The following PCDHA4 variants were observed in gnomAD, a reference collection of about 807,000 sequenced individuals.
The protein encoded by PCDHA4 is protocadherin alpha-4.
In PCDHA4, 49 loss-of-function variants were observed where a neutral mutation model predicts 61.4. That is an observed-to-expected ratio of 0.80 (90% CI 0.63 to 1.01). The LOEUF (loss-of-function observed/expected upper bound fraction) is 1.01, where lower values mean the gene tolerates loss of function less well. Among genes scored for constraint, PCDHA4 ranks in the 50% least tolerant of loss-of-function variants. The pLI is 0.00. For missense variants in PCDHA4, 1,254 were observed against 1,235.8 expected (o/e 1.01, Z -0.22); for synonymous variants, 590 against 550.3 (o/e 1.07, Z -1.01).
chr5:140,830,566 T>C (rs1771135529), intron 1 of PCDHA4: 2 of 961,386 alleles, frequency 2.1e-6, no homozygotes, highest in South Asian at 6.5e-5. Context: ...TCTATATTTC[T>C]GTTTTTAATT....
chr5:140,883,622 G>A, intron 1 of PCDHA4: 4 of 1,614,004 alleles, frequency 2.5e-6, no homozygotes, highest in Non-Finnish European at 3.4e-6. Context: ...GAACGACAAC[G>A]CGCCGGCGTT....
intron 1 of PCDHA4, chr5:140,842,708 T>C (rs2150342617): frequency 6.3e-7 from 1 of 1,595,018 alleles, no homozygotes; most frequent in African/African-American, 1.3e-5. Context: ...GTACACGGTG[T>C]TCGTGAAGGA....
At chr5:140,833,728 T>C (rs1554133934) in intron 1 of PCDHA4, among the ~76,000 whole-genome samples, 1 of 147,810 alleles carries the variant, frequency 6.8e-6, no homozygotes, top group Non-Finnish European at 1.5e-5. Context: ...TAGTTGCTAA[T>C]GTTTCTTGCC....
intron 1 of PCDHA4, chr5:140,824,619 T>TTG (rs1768249462): frequency 7.7e-6 from 1 of 129,516 alleles, no homozygotes; most frequent in African/African-American, 3.5e-5. Flanking sequence ...AGTTTTTTTT[T>TTG]TTTTTTTTTT....
intron 1 of PCDHA4, among the ~76,000 whole-genome samples, chr5:140,973,341 C>T (rs1323571061): frequency 6.6e-6 from 1 of 152,124 alleles, no homozygotes; most frequent in African/African-American, 2.4e-5. Flanking sequence ...TGTAAAGTGA[C>T]ATAGTAGTGA....
intron 1 of PCDHA4, chr5:140,822,282 C>T: frequency 1.2e-6 from 2 of 1,614,222 alleles, no homozygotes; most frequent in Admixed American, 1.7e-5. Context: ...AATTGAGATA[C>T]AGGTTAAATC....
chr5:140,914,364 A>T lies in PCDHA4; in HGVS notation c.2386-64585A>T, dbSNP rs1256559741. 2.0e-5 allele frequency among the ~76,000 whole-genome samples: 3 copies of T among 152,096 alleles called. No individual in the cohort carries two copies. The East Asian group carries it at 5.8e-4, about 29-fold the overall frequency. On this transcript the variant is annotated intron_variant, in intron 1 of 3. Transcript: ENST00000530339. ...CTCTTTTTGGAGTTTTTGTCTTGAG[A>T]TCTATTTTATCTGTTATAAGTGTAG...
chr5:140,967,959 G>A lies in PCDHA4; in HGVS notation c.2386-10990G>A, dbSNP rs782716187. ...AATGACCAAGACTCAGGCCCCAACC[G>A]GAAAGTGAGCCTGGGTCTGGAGGCC... On this transcript the variant is annotated intron_variant, in intron 1 of 3. Transcript: ENST00000530339. The A allele has an allele frequency of 1.5e-5, 25 of 1,614,046 alleles. No individual in the cohort carries two copies. Among genetic ancestry groups the A allele is most frequent in the Non-Finnish European group, 1.9e-5 (23 of 1,180,058 alleles).
Position 140,808,864 on chromosome 5 carries a change from C to G in PCDHA4, c.1677C>G (p.Asn559Lys). The G allele has an allele frequency of 6.2e-7, 1 of 1,613,138 alleles. No homozygotes were observed. The highest frequency in any genetic ancestry group is 8.5e-7 in the Non-Finnish European group (1 of 1,179,916). ...TGCAGGTGTTCGTGCTGGACGAAAACGACAACGCGCCAGCACTGCTAGCGC... is the reference window on the plus strand; with the variant it reads ...TGCAGGTGTTCGTGCTGGACGAAAAGGACAACGCGCCAGCACTGCTAGCGC... ...VTLQVFVLDE[N>K]DNAPALLAPR... Residue 559 changes from asparagine to lysine, a missense_variant, in exon 1 of 4, where the codon AAC becomes AAG. Transcript: ENST00000530339.
chr5:140,977,325 G>A (rs1277032974), intron 1 of PCDHA4, among the ~76,000 whole-genome samples: 1 of 152,210 alleles, frequency 6.6e-6, no homozygotes, highest in African/African-American at 2.4e-5. Context: ...TCCTGATGGC[G>A]AGGGGAGAGA....
chr5:140,841,620 C>T lies in PCDHA4; in HGVS notation c.2385+32048C>T, dbSNP rs1777377321. 2.5e-6 allele frequency: 4 copies of T among 1,613,982 alleles called. No individual in the cohort carries two copies. The highest frequency in any genetic ancestry group is 3.4e-6 in the Non-Finnish European group (4 of 1,180,020). ...CGCGAGGAGCTGTGCGGGCGGAGCG[C>T]GGAGTGCAGCATCCACCTGGAGGTG... On this transcript the variant is annotated intron_variant, in intron 1 of 3. Transcript: ENST00000530339.
intron 1 of PCDHA4, among the ~76,000 whole-genome samples, chr5:140,820,375 TA>T (rs1487891425): frequency 6.6e-6 from 1 of 152,006 alleles, no homozygotes; most frequent in Non-Finnish European, 1.5e-5. Context: ...CATTTTCTGG[TA>T]ATTTCTTTTT....
At chr5:140,867,519 G>T (rs1028879679) in intron 1 of PCDHA4, 3 of 152,018 alleles carry the variant, frequency 2.0e-5, no homozygotes, top group Admixed American at 1.3e-4. Context: ...CAAATTAATA[G>T]TTGAATATAT....
At chr5:140,915,137 C>T (rs2076999053) in intron 1 of PCDHA4, among the ~76,000 whole-genome samples, 3 of 151,800 alleles carry the variant, frequency 2.0e-5, no homozygotes, top group South Asian at 2.1e-4. Context: ...TTAGTAGAGA[C>T]GGGGTTTCAC....
At position 140,835,814 on chromosome 5, in the gene PCDHA4, G is replaced by T. The variant is rs2150245444; in HGVS notation, c.2385+26242G>T. ...CGCCGGGCTGCCACATCTTCACTGTGTCGGCGGGGGACGCGGACGCGCAGA... is the reference window on the plus strand; with the variant it reads ...CGCCGGGCTGCCACATCTTCACTGTTTCGGCGGGGGACGCGGACGCGCAGA... On this transcript the variant is annotated intron_variant, in intron 1 of 3. Coordinates refer to ENST00000530339, the MANE Select transcript of PCDHA4 (RefSeq NM_018907.4). The T allele has an allele frequency of 3.1e-6, 5 of 1,612,862 alleles. 1 individual carries two copies. In the South Asian group the frequency reaches 5.5e-5, roughly 18 times the overall value.
At position 140,809,115 on chromosome 5, in the gene PCDHA4, C is replaced by T. The variant is rs17844284; in HGVS notation, c.1928C>T (p.Pro643Leu). 6.2e-7 allele frequency: 1 copy of T among 1,613,980 alleles called. No homozygotes were observed. Among genetic ancestry groups the T allele is most frequent in the South Asian group, 1.1e-5 (1 of 91,090 alleles). ...TTRALDETDA[P>L]RHRLLVLVKD... ...CGTGCCCTGGACGAAACGGACGCTC[C>T]GCGCCACCGCCTACTGGTACTGGTG... The change falls in exon 1 of 4, where the codon CCG (proline) becomes CTG (leucine). Residue 643 changes from proline (P) to leucine (L), a missense_variant. Physicochemically the swap from Pro to Leu is moderately conservative, Grantham distance 98. Coordinates refer to ENST00000530339, the MANE Select transcript of PCDHA4 (RefSeq NM_018907.4).
chr5:140,807,614 G>A lies in PCDHA4; in HGVS notation c.427G>A (p.Ala143Thr), dbSNP rs782288256. The change falls in exon 1 of 4, where the codon GCG (alanine) becomes ACG (threonine). Residue 143 changes from alanine (A) to threonine (T), a missense_variant. Coordinates refer to ENST00000530339, the MANE Select transcript of PCDHA4 (RefSeq NM_018907.4). ...FPATQKNLSI[A>T]ESRPLDSRFP... Reference sequence around the variant, plus strand: ...AGCAACACAAAAGAACCTGTCCATCGCGGAATCCAGGCCGCTTGACTCTCG... The same window carrying A: ...AGCAACACAAAAGAACCTGTCCATCACGGAATCCAGGCCGCTTGACTCTCG... 3.6e-5 allele frequency: 58 copies of A among 1,614,174 alleles called. No individual in the cohort carries two copies. The highest frequency in any genetic ancestry group is 4.8e-5 in the Non-Finnish European group (57 of 1,180,038).
chr5:140,857,186 G>A lies in PCDHA4; in HGVS notation c.2385+47614G>A, dbSNP rs782390373. On this transcript the variant is annotated intron_variant, in intron 1 of 3. Coordinates refer to ENST00000530339, the MANE Select transcript of PCDHA4 (RefSeq NM_018907.4). ...CAGCGTTTCTGACCATGATTCAGGA[G>A]CCAACGGACAGGTCACCTGCTCTCT... 5.0e-6 allele frequency: 8 copies of A among 1,598,548 alleles called. No individual in the cohort carries two copies. In the East Asian group the frequency reaches 1.8e-4, roughly 36 times the overall value.
At chr5:140,843,618 A>C in intron 1 of PCDHA4, 1 of 1,596,148 alleles carries the variant, frequency 6.3e-7, no homozygotes, top group South Asian at 1.1e-5. Context: ...GGGCCACCGA[A>C]GACGGACCTC....
Sources: allele counts gnomAD v4.1 joint callset (sites outside exome capture counted in the v4.1 genomes callset), GRCh38; gene constraint gnomAD v4.1.1; transcripts MANE v1.5; gene names NCBI Gene and HGNC (gene_info 2026-07-23, HGNC 2026-07-21).